METTL9: variants seen among roughly 807,000 people sequenced by gnomAD.
The protein encoded by METTL9 is methyltransferase 9, His-X-His N1(pi)-histidine.
A neutral mutation model predicts 36.0 loss-of-function variants in METTL9; 10 were observed. The observed-to-expected ratio is 0.28, with a 90% confidence interval of 0.17 to 0.47. The LOEUF (loss-of-function observed/expected upper bound fraction) is 0.47, where lower values mean the gene tolerates loss of function less well. Among genes scored for constraint, METTL9 ranks in the 20% least tolerant of loss-of-function variants. METTL9 has a pLI of 0.99. For synonymous variants in METTL9, 175 were observed against 149.7 expected (o/e 1.17, Z -1.23); for missense variants, 246 against 383.5 (o/e 0.64, Z 3.00).
At chr16:21,630,380 G>C (rs955335880) in intron 4 of METTL9, among the ~76,000 whole-genome samples, 1 of 152,252 alleles carries the variant, frequency 6.6e-6, no homozygotes, top group Non-Finnish European at 1.5e-5. Context: ...GCCTCGGCCA[G>C]CCCCAGAGAG....
At chr16:21,636,890 G>A (rs1353117271) in intron 4 of METTL9, among the ~76,000 whole-genome samples, 1 of 152,148 alleles carries the variant, frequency 6.6e-6, no homozygotes, top group Non-Finnish European at 1.5e-5. Flanking sequence ...TTACCGCTTG[G>A]CGATAGGCGA....
intron 4 of METTL9, among the ~76,000 whole-genome samples, chr16:21,649,635 A>G (rs956450302): frequency 1.3e-5 from 2 of 152,228 alleles, no homozygotes; most frequent in Non-Finnish European, 2.9e-5. Flanking sequence ...CTCAGTCTCA[A>G]GTCATCTTTC....
At chr16:21,607,050 A>G (rs1218217378) in intron 1 of METTL9, among the ~76,000 whole-genome samples, 1 of 151,806 alleles carries the variant, frequency 6.6e-6, no homozygotes, top group Non-Finnish European at 1.5e-5. Context: ...ATATATAAAT[A>G]TTAGGAGGAG....
rs1708172591 is a variant in METTL9 at position 21,656,794 on chromosome 16, T to G, written c.*1362T>G. ...ATTAAAACCTGAAGAATTACTTTAT[T>G]ATTCATTAAGAACTGCATTCCCACA... is the stretch of plus-strand genomic sequence containing the variant. On this transcript the variant is annotated 3_prime_UTR_variant, in exon 5 of 5. Transcript: ENST00000358154. 1 of 152,198 alleles carries G rather than the reference T, an allele frequency of 6.6e-6. No homozygotes were observed. The highest frequency in any genetic ancestry group is 6.5e-5 in the Admixed American group (1 of 15,290). 9.4% of individuals were successfully genotyped at this position (152,198 alleles called of 1,614,324 possible).
chr16:21,608,381 G>A (rs1370732046), intron 1 of METTL9, among the ~76,000 whole-genome samples: 1 of 152,016 alleles, frequency 6.6e-6, no homozygotes, highest in Non-Finnish European at 1.5e-5. Context: ...GAAGCTCCTC[G>A]CCAAGATCAT....
At chr16:21,623,189 T>A (rs1300926190) in intron 3 of METTL9, among the ~76,000 whole-genome samples, 2 of 152,184 alleles carry the variant, frequency 1.3e-5, no homozygotes, top group African/African-American at 4.8e-5. Context: ...CAGTATTTAG[T>A]GCAATGAAAC....
At chr16:21,621,320 A>G (rs1320837493) in intron 3 of METTL9, among the ~76,000 whole-genome samples, 2 of 151,752 alleles carry the variant, frequency 1.3e-5, no homozygotes, top group African/African-American at 4.8e-5. Flanking sequence ...TTTTAAATAA[A>G]GGTTCTGTAA....
intron 4 of METTL9, among the ~76,000 whole-genome samples, chr16:21,634,972 C>T (rs139928611): frequency 0.024 from 3,648 of 152,282 alleles, 61 homozygotes; most frequent in Non-Finnish European, 0.036. Flanking sequence ...GTACTGGGGA[C>T]GGCTGGCTGA....
In METTL9 at chr16:21,612,645, T is replaced by TTGG; in HGVS notation, c.166_167insTGG (p.Trp56delinsLeuGly). 1 of 1,359,588 alleles carries TTGG rather than the reference T, an allele frequency of 7.4e-7. No individual in the cohort carries two copies. 84.2% of individuals were successfully genotyped at this position (1,359,588 alleles called of 1,614,324 possible). On this transcript the variant is annotated protein_altering_variant and splice_region_variant, in exon 2 of 5. Transcript: ENST00000358154. ...GTTCTTTTTTTTTTTTTTTTTTTAG[T>TTGG]GGTATGTGTGCAACAGAGAGAAATT...
At chr16:21,653,289 G>A (rs1281239679) in intron 4 of METTL9, 4 of 150,484 alleles carry the variant, frequency 2.7e-5, no homozygotes, top group Non-Finnish European at 4.4e-5. Context: ...GTGTTGTCTA[G>A]GCTAGTCCTG....
At chr16:21,631,234 T>C (rs958369335) in intron 4 of METTL9, among the ~76,000 whole-genome samples, 2 of 152,234 alleles carry the variant, frequency 1.3e-5, no homozygotes, top group Non-Finnish European at 2.9e-5. Context: ...TGTATGGCTC[T>C]GTGCTGACGG....
At chr16:21,650,365 A>G (rs1458297375) in intron 4 of METTL9, among the ~76,000 whole-genome samples, 1 of 151,878 alleles carries the variant, frequency 6.6e-6, no homozygotes, top group Non-Finnish European at 1.5e-5. Context: ...AAAATTAGCC[A>G]GGTGTGGTGG....
intron 1 of METTL9, among the ~76,000 whole-genome samples, chr16:21,607,013 T>C (rs566065269): frequency 4.6e-5 from 7 of 152,314 alleles, no homozygotes; most frequent in Admixed American, 2.0e-4. Flanking sequence ...ATTCCTACTT[T>C]GAACGAGTGA....
At chr16:21,608,584 C>T (rs1295553365) in intron 1 of METTL9, among the ~76,000 whole-genome samples, 1 of 152,110 alleles carries the variant, frequency 6.6e-6, no homozygotes, top group Non-Finnish European at 1.5e-5. Flanking sequence ...TATGGGTTCT[C>T]AAGCAGTGGC....
chr16:21,625,816 C>T (rs895787886), intron 4 of METTL9, among the ~76,000 whole-genome samples: 1 of 152,030 alleles, frequency 6.6e-6, no homozygotes, highest in African/African-American at 2.4e-5. Context: ...TTTAAGTCTC[C>T]TGCATTTTCA....
At chr16:21,652,815 T>G (rs1174597202) in intron 4 of METTL9, 1 of 467,588 alleles carries the variant, frequency 2.1e-6, no homozygotes, top group African/African-American at 2.0e-5. Context: ...TTCCATGGAT[T>G]TTACAGTTGT....
intron 4 of METTL9, chr16:21,652,419 A>G (rs960754586): frequency 1.3e-4 from 94 of 742,754 alleles, no homozygotes; most frequent in African/African-American, 3.2e-4. Flanking sequence ...GGCAGTTTTC[A>G]TAATGTTATA....
At chr16:21,616,684 A>G (rs1259004412) in intron 2 of METTL9, among the ~76,000 whole-genome samples, 1 of 152,188 alleles carries the variant, frequency 6.6e-6, no homozygotes, top group Non-Finnish European at 1.5e-5. Context: ...TGACATAAGT[A>G]CGAATCTACT....
chr16:21,649,024 T>C (rs1966500129), intron 4 of METTL9, among the ~76,000 whole-genome samples: 1 of 152,150 alleles, frequency 6.6e-6, no homozygotes, highest in African/African-American at 2.4e-5. Flanking sequence ...GGACAGAGTC[T>C]CTGTCTCCCA....
Sources: gnomAD v4.1 joint callset for allele counts (sites outside exome capture counted in the v4.1 genomes callset) on GRCh38, gnomAD v4.1.1 for gene constraint, MANE v1.5 for transcripts, NCBI Gene and HGNC (gene_info 2026-07-23, HGNC 2026-07-21) for gene names.